Variants in SLC9A7 observed in about 807,000 individuals in gnomAD.
SLC9A7 encodes solute carrier family 9 member A7, also known as sodium/hydrogen exchanger 7.
A neutral mutation model predicts 52.6 loss-of-function variants in SLC9A7; 19 were observed. The ratio of observed to expected loss-of-function variants is 0.36; its 90% CI spans 0.25 to 0.53. The LOEUF is 0.53. Among genes scored for constraint, SLC9A7 ranks in the 20% least tolerant of loss-of-function variants. The pLI, the probability that SLC9A7 is intolerant of heterozygous loss-of-function variation, is 0.91. For synonymous variants in SLC9A7, 226 were observed against 252.1 expected, an observed-to-expected ratio of 0.90 and a Z score of 0.98; for missense variants, 455 against 597.9, an observed-to-expected ratio of 0.76 and a Z score of 2.49.
At chrX:46,747,486 ATAT>A (rs1328935768) in intron 1 of SLC9A7, among the ~76,000 whole-genome samples, 1 of 111,793 alleles carries the variant, frequency 8.9e-6, no homozygotes, top group Non-Finnish European at 1.9e-5. Context: ...AAACAAAATA[ATAT>A]TGTTTTTAAA....
chrX:46,630,299 T>G (rs932967673), intron 14 of SLC9A7, among the ~76,000 whole-genome samples: 2 of 111,856 alleles, frequency 1.8e-5, no homozygotes, highest in Non-Finnish European at 3.8e-5. Context: ...TGAAGTCTGC[T>G]GCAGACTGCT....
intron 7 of SLC9A7, among the ~76,000 whole-genome samples, chrX:46,654,804 G>A (rs1244246222): frequency 9.0e-6 from 1 of 111,039 alleles, no homozygotes; most frequent in Non-Finnish European, 1.9e-5. Context: ...TCTCATGACA[G>A]ATCTCACTGA....
intron 1 of SLC9A7, among the ~76,000 whole-genome samples, chrX:46,701,108 G>A (rs1316114820): frequency 9.0e-6 from 1 of 111,184 alleles, no homozygotes; most frequent in Non-Finnish European, 1.9e-5. Context: ...TTTTCACTAT[G>A]CTCTTGAAAC....
At chrX:46,661,976 A>T (rs1943830925) in intron 7 of SLC9A7, 40 bp downstream of exon 7, 1 of 1,123,116 alleles carries the variant, frequency 8.9e-7, no homozygotes, top group Non-Finnish European at 1.2e-6. Context: ...AATGCCACAC[A>T]CGCATACCCA....
At chrX:46,673,301 A>G (rs1260166847) in intron 3 of SLC9A7, among the ~76,000 whole-genome samples, 1 of 111,256 alleles carries the variant, frequency 9.0e-6, no homozygotes, top group African/African-American at 3.3e-5. Context: ...GAAAGTGGCA[A>G]AACTGCAATC....
Position 46,679,693 on chromosome X carries a change from T to C in SLC9A7, c.588A>G (p.Gly196=), listed in dbSNP as rs1170606902. 1 of 1,193,963 alleles carries C rather than the reference T, an allele frequency of 8.4e-7. No individual in the cohort carries two copies. The highest frequency in any genetic ancestry group is 2.2e-5 in the Admixed American group (1 of 45,294). ...ILLPPIIFHA[G]YSLKKRHFFR... ...AACATCTTACCTTCTTTAAGCTGTA[T>C]CCAGCATGAAAAATAATTGGAGGCA... The change falls in exon 3 of 17, where the codon GGA becomes GGG. Residue 196 remains glycine (G), a synonymous_variant. Coordinates refer to ENST00000616978, the MANE Select transcript of SLC9A7 (RefSeq NM_001257291.2).
At chrX:46,711,915 C>T (rs1488706072) in intron 1 of SLC9A7, among the ~76,000 whole-genome samples, 1 of 109,302 alleles carries the variant, frequency 9.1e-6, no homozygotes, top group Non-Finnish European at 1.9e-5. Flanking sequence ...CACACACACA[C>T]ACACACACAC....
chrX:46,641,060 G>A (rs975390093), intron 12 of SLC9A7, among the ~76,000 whole-genome samples: 1 of 112,662 alleles, frequency 8.9e-6, no homozygotes, highest in African/African-American at 3.2e-5. Flanking sequence ...AAAAATTTAT[G>A]CCCATGCAAA....
In SLC9A7 at chrX:46,635,581, T is replaced by G. The variant is rs764397323; in HGVS notation, c.1676+8A>C. On this transcript the variant is annotated splice_region_variant and intron_variant, in intron 13 of 16. Coordinates refer to ENST00000616978, the MANE Select transcript of SLC9A7 (RefSeq NM_001257291.2). Reference sequence around the variant, plus strand: ...AGTTAATTTTTTCTGAGGATGCCCTTGTGTCACCTGAAGTACTGCCAGTGG... The same window carrying G: ...AGTTAATTTTTTCTGAGGATGCCCTGGTGTCACCTGAAGTACTGCCAGTGG... 2.5e-6 allele frequency: 3 copies of G among 1,202,834 alleles called. No homozygotes were observed. The highest frequency in any genetic ancestry group is 2.3e-6 in the Non-Finnish European group (2 of 887,898).
chrX:46,655,637 C>T (rs1943667315), intron 7 of SLC9A7, among the ~76,000 whole-genome samples: 1 of 112,368 alleles, frequency 8.9e-6, no homozygotes, highest in African/African-American at 3.2e-5. Context: ...TCGGGTCACT[C>T]CCACCCGAAT....
At chrX:46,710,191 A>G (rs1051191434) in intron 1 of SLC9A7, among the ~76,000 whole-genome samples, 35 of 112,468 alleles carry the variant, frequency 3.1e-4, no homozygotes, top group Non-Finnish European at 5.6e-5. Flanking sequence ...TGATCTCTAA[A>G]GCCACACATC....
intron 1 of SLC9A7, among the ~76,000 whole-genome samples, chrX:46,719,443 TA>T (rs1409147849): frequency 9.1e-6 from 1 of 109,915 alleles, no homozygotes; most frequent in Non-Finnish European, 1.9e-5. Flanking sequence ...TAAAGTATAA[TA>T]AAAAAAATTT....
rs770759508 is a variant in SLC9A7 at position 46,653,764 on chromosome X, C to T, written c.1042-50G>A. Reference sequence around the variant, plus strand: ...TCTCCAGGTACATGTATCAGGGCCACCAAGAACCATACTCCACTAGCCCAG... The same window carrying T: ...TCTCCAGGTACATGTATCAGGGCCATCAAGAACCATACTCCACTAGCCCAG... On this transcript the variant is annotated intron_variant, in intron 7 of 16. Transcript: ENST00000616978. 31 of 970,751 alleles carry T rather than the reference C, an allele frequency of 3.2e-5. No homozygotes were observed. In the East Asian group the frequency reaches 9.0e-4, roughly 28 times the overall value. 80.0% of individuals were successfully genotyped at this position (970,751 alleles called of 1,213,427 possible).
chrX:46,659,244 T>C (rs1393600616), intron 7 of SLC9A7, among the ~76,000 whole-genome samples: 1 of 110,276 alleles, frequency 9.1e-6, no homozygotes, highest in African/African-American at 3.3e-5. Flanking sequence ...CAGCTATCTA[T>C]GACAAACCCA....
At chrX:46,669,167 C>CAA (rs35516404) in intron 5 of SLC9A7, among the ~76,000 whole-genome samples, 2 of 74,432 alleles carry the variant, frequency 2.7e-5, no homozygotes, top group African/African-American at 1.0e-4. Flanking sequence ...GACTCTGTCT[C>CAA]AAAAAAAAAA....
At chrX:46,657,092 T>G (rs1336131837) in intron 7 of SLC9A7, among the ~76,000 whole-genome samples, 3 of 108,607 alleles carry the variant, frequency 2.8e-5, no homozygotes, top group Non-Finnish European at 5.7e-5. Context: ...AAAAGAATTT[T>G]CAACCCAGAA....
intron 1 of SLC9A7, among the ~76,000 whole-genome samples, chrX:46,746,189 C>T (rs1209953198): frequency 1.7e-4 from 19 of 109,890 alleles, no homozygotes; most frequent in Admixed American, 1.5e-3. Context: ...ATTAGTTGGG[C>T]GTGGTGGTGG....
intron 5 of SLC9A7, among the ~76,000 whole-genome samples, chrX:46,666,568 C>T (rs1943925312): frequency 8.9e-6 from 1 of 112,331 alleles, no homozygotes; most frequent in Admixed American, 9.5e-5. Flanking sequence ...CAATTTTCTA[C>T]AACTTCCATT....
chrX:46,751,141 A>G (rs1922211049), intron 1 of SLC9A7, among the ~76,000 whole-genome samples: 1 of 111,327 alleles, frequency 9.0e-6, no homozygotes, highest in South Asian at 3.8e-4. Context: ...TCTTCCCCAT[A>G]TGATCTTCAT....
Sources: gnomAD v4.1 joint callset for allele counts (sites outside exome capture counted in the v4.1 genomes callset) on GRCh38, gnomAD v4.1.1 for gene constraint, MANE v1.5 for transcripts, NCBI Gene and HGNC (gene_info 2026-07-23, HGNC 2026-07-21) for gene names.